The following KCNJ15 variants were observed in gnomAD, a reference collection of about 807,000 sequenced individuals.
KCNJ15 encodes potassium inwardly rectifying channel subfamily J member 15.
A neutral mutation model predicts 23.0 loss-of-function variants in KCNJ15; 14 were observed. The ratio of observed to expected loss-of-function variants is 0.61; its 90% CI spans 0.40 to 0.95. The LOEUF (loss-of-function observed/expected upper bound fraction) is 0.95. KCNJ15 is among the 40% of genes least tolerant of loss of function. The pLI is 0.00. For synonymous variants in KCNJ15, 185 were observed against 183.2 expected (o/e 1.01, Z -0.08); for missense variants, 388 against 461.8 (o/e 0.84, Z 1.46).
At chr21:38,293,897 G>A (rs1420347468) in intron 1 of KCNJ15, among the ~76,000 whole-genome samples, 3 of 152,360 alleles carry the variant, frequency 2.0e-5, no homozygotes. Context: ...GGCTGGTATG[G>A]ATGAGTTAAA....
upstream of KCNJ15, among the ~76,000 whole-genome samples, chr21:38,255,074 A>T (rs143350547): frequency 4.6e-5 from 7 of 152,338 alleles, no homozygotes; most frequent in East Asian, 1.4e-3. Context: ...TGGAACACAG[A>T]TGGTAAATGG....
chr21:38,283,341 G>A (rs1983552570), intron 1 of KCNJ15, among the ~76,000 whole-genome samples: 2 of 152,072 alleles, frequency 1.3e-5, no homozygotes. Flanking sequence ...TCCTAATTTT[G>A]TTTTCCTTTA....
intron 2 of KCNJ15, among the ~76,000 whole-genome samples, chr21:38,298,853 A>G (rs998412852): frequency 6.6e-6 from 1 of 152,242 alleles, no homozygotes; most frequent in Non-Finnish European, 1.5e-5. Flanking sequence ...TTGTTATCAC[A>G]AAAAACAGCA....
chr21:38,230,705 C>A (rs1435923958), intron 1 of KCNJ15, among the ~76,000 whole-genome samples: 2 of 151,856 alleles, frequency 1.3e-5, no homozygotes, highest in Non-Finnish European at 2.9e-5. Context: ...ATATAATGTC[C>A]TTAGTGAATT....
intron 1 of KCNJ15, among the ~76,000 whole-genome samples, chr21:38,293,364 G>C (rs1337859223): frequency 6.6e-6 from 1 of 152,132 alleles, no homozygotes; most frequent in Non-Finnish European, 1.5e-5. Context: ...GCAGGTGACA[G>C]GGCCACACCT....
In KCNJ15 at chr21:38,263,201, C is replaced by A. The variant is rs559448691; in HGVS notation, c.-117+6016C>A. Among the ~76,000 whole-genome samples the A allele has an allele frequency of 8.5e-5, 13 of 152,200 alleles. No individual in the cohort carries two copies. In the South Asian group the frequency reaches 2.7e-3, roughly 32 times the overall value. On this transcript the variant is annotated intron_variant, in intron 1 of 2. Transcript: ENST00000398938. ...TCCACTCCATTGCCAGCAGGACACACCTGCCTAGGAACTGGGGGAGAACTC... is the reference window on the plus strand; with the variant it reads ...TCCACTCCATTGCCAGCAGGACACAACTGCCTAGGAACTGGGGGAGAACTC...
chr21:38,299,832 G>T lies in KCNJ15; in HGVS notation c.571G>T (p.Gly191Trp). Reference sequence around the variant, plus strand: ...CTGTGCAGTCATCACCAAGCAGAATGGGAAGCTGTGCTTGGTGATTCAGGT... The same window carrying T: ...CTGTGCAGTCATCACCAAGCAGAATTGGAAGCTGTGCTTGGTGATTCAGGT... Reference protein sequence around the residue: ...SHCAVITKQNGKLCLVIQVAN... With the variant: ...SHCAVITKQNWKLCLVIQVAN... The change falls in exon 3 of 3, where the codon GGG becomes TGG. Residue 191 changes from glycine to tryptophan, a missense_variant. Gly to Trp is a radical substitution (Grantham distance 184). Transcript: ENST00000398938. This position sits in a 1 kb window ranked among gnomAD's most constrained non-coding sequence, Gnocchi z 4.5. 6.2e-7 allele frequency: 1 copy of T among 1,614,004 alleles called. No homozygotes were observed.
intron 1 of KCNJ15, among the ~76,000 whole-genome samples, chr21:38,246,752 A>AGT (rs906071927): frequency 2.0e-5 from 3 of 152,064 alleles, no homozygotes; most frequent in African/African-American, 7.2e-5. Context: ...TGGTATGAGG[A>AGT]GTGTGTGTGT....
upstream of KCNJ15, among the ~76,000 whole-genome samples, chr21:38,253,469 G>A (rs1162024254): frequency 6.6e-6 from 1 of 152,146 alleles, no homozygotes; most frequent in African/African-American, 2.4e-5. Flanking sequence ...GAGACAGCTG[G>A]CCATATCATG....
At chr21:38,261,525 T>A (rs1980896098) in intron 1 of KCNJ15, among the ~76,000 whole-genome samples, 1 of 152,218 alleles carries the variant, frequency 6.6e-6, no homozygotes, top group Non-Finnish European at 1.5e-5. Flanking sequence ...AAAATACCTA[T>A]CATGTTTATC....
At chr21:38,286,996 T>C (rs1983978509) in intron 1 of KCNJ15, among the ~76,000 whole-genome samples, 1 of 152,256 alleles carries the variant, frequency 6.6e-6, no homozygotes, top group Admixed American at 6.5e-5. Flanking sequence ...AGCTCTGATT[T>C]AATGCTTGGA....
At position 38,305,517 on chromosome 21, in the gene KCNJ15, T is replaced by C. The variant is rs1198917864; in HGVS notation, c.*5128T>C. The C allele has an allele frequency of 6.6e-6, 1 of 152,206 alleles. No individual in the cohort carries two copies. The highest frequency in any genetic ancestry group is 1.5e-5 in the Non-Finnish European group (1 of 68,032). 9.4% of individuals were successfully genotyped at this position (152,206 alleles called of 1,614,324 possible). On this transcript the variant is annotated 3_prime_UTR_variant, in exon 3 of 3. Transcript: ENST00000398938. ...GAGTATAAAAGCCAACGATGTCATA[T>C]ATGTAGGCAAAGTCTTTGTAATCTG...
At chr21:38,253,439 A>G (rs1483118277), upstream of KCNJ15, among the ~76,000 whole-genome samples, 1 of 152,186 alleles carries the variant, frequency 6.6e-6, no homozygotes, top group African/African-American at 2.4e-5. Flanking sequence ...CTCTAGGATA[A>G]GGATGGTGAG....
At chr21:38,266,965 C>T (rs1184628338) in intron 1 of KCNJ15, among the ~76,000 whole-genome samples, 1 of 152,110 alleles carries the variant, frequency 6.6e-6, no homozygotes, top group Non-Finnish European at 1.5e-5. Flanking sequence ...TTTTCTGGGT[C>T]CTGAGCTGCA....
intron 1 of KCNJ15, among the ~76,000 whole-genome samples, chr21:38,259,072 C>T (rs542975675): frequency 6.6e-6 from 1 of 152,210 alleles, no homozygotes; most frequent in African/African-American, 2.4e-5. Context: ...CAATGACATA[C>T]TCGTTATAAG....
chr21:38,243,599 T>G (rs1005567554), intron 1 of KCNJ15, among the ~76,000 whole-genome samples: 3 of 152,178 alleles, frequency 2.0e-5, no homozygotes, highest in Admixed American at 6.5e-5. Context: ...TTTTTGTATT[T>G]TTAGTAAAGA....
At chr21:38,282,402 C>T (rs537277919) in intron 1 of KCNJ15, among the ~76,000 whole-genome samples, 1 of 152,124 alleles carries the variant, frequency 6.6e-6, no homozygotes, top group South Asian at 2.1e-4. Context: ...ATTGAATATA[C>T]TTATGTTTGC....
At position 38,300,561 on chromosome 21, in the gene KCNJ15, G is replaced by A. The variant is rs557035203; in HGVS notation, c.*172G>A. ...CTTGTGGCTAAACCAGCATTTCTGT[G>A]TTTGAGAGATTTCCTGTTAGGTGCT... On this transcript the variant is annotated 3_prime_UTR_variant, in exon 3 of 3. Coordinates refer to ENST00000398938, the MANE Select transcript of KCNJ15 (RefSeq NM_170736.3). The A allele has an allele frequency of 1.0e-5, 6 of 589,900 alleles. No individual in the cohort carries two copies. Among genetic ancestry groups the A allele is most frequent in the South Asian group, 4.9e-5 (2 of 40,482 alleles). The allele number at this position is 589,900 out of a possible 1,614,324, so 36.5% of individuals were successfully genotyped here. A position where few individuals can be genotyped will look rare whatever the true frequency, so the allele number is the denominator to read the frequency against.
intron 1 of KCNJ15, among the ~76,000 whole-genome samples, chr21:38,286,513 C>T (rs541601279): frequency 2.7e-4 from 41 of 152,288 alleles, no homozygotes; most frequent in African/African-American, 9.4e-4. Context: ...GCAAGAATAT[C>T]CTACTGGAAA....
Sources: allele counts gnomAD v4.1 joint callset (sites outside exome capture counted in the v4.1 genomes callset), GRCh38; gene constraint gnomAD v4.1.1; non-coding constraint Gnocchi (gnomAD v3.1); transcripts MANE v1.5; gene names NCBI Gene and HGNC (gene_info 2026-07-23, HGNC 2026-07-21).